ARVCF: variants seen among roughly 807,000 people sequenced by gnomAD.
ARVCF encodes splicing regulator ARVCF.
A neutral mutation model predicts 90.9 loss-of-function variants in ARVCF; 66 were observed. The ratio of observed to expected loss-of-function variants is 0.73; its 90% confidence interval spans 0.60 to 0.89. The LOEUF (loss-of-function observed/expected upper bound fraction) is 0.89. ARVCF is among the 40% of genes least tolerant of loss of function. The pLI is 0.00. For synonymous variants in ARVCF, 653 were observed against 603.4 expected (o/e 1.08, Z -1.21); for missense variants, 1,469 against 1,382.3 (o/e 1.06, Z -1.00).
Position 19,975,671 on chromosome 22 carries a change from T to C in ARVCF, c.1960+15A>G. ...ACATCCCCCAGTGGAGCTGGCTTCATCTCAGCCCACTCACCTTTGGCGGCC... is the reference window on the plus strand; with the variant it reads ...ACATCCCCCAGTGGAGCTGGCTTCACCTCAGCCCACTCACCTTTGGCGGCC... On this transcript the variant is annotated intron_variant, in intron 11 of 19. Transcript: ENST00000263207. 1.2e-6 allele frequency: 2 copies of C among 1,613,386 alleles called. No individual in the cohort carries two copies. Among genetic ancestry groups the C allele is most frequent in the Non-Finnish European group, 1.7e-6 (2 of 1,179,856 alleles).
chr22:20,006,352 C>A (rs1314593351), intron 2 of ARVCF, among the ~76,000 whole-genome samples: 2 of 151,346 alleles, frequency 1.3e-5, no homozygotes, highest in African/African-American at 4.9e-5. Context: ...CCAAGGCGGG[C>A]GGATCACGAG....
chr22:20,002,392 G>A (rs1944477323), intron 2 of ARVCF, among the ~76,000 whole-genome samples: 2 of 152,128 alleles, frequency 1.3e-5, no homozygotes, highest in East Asian at 3.9e-4. Context: ...GCCTCAACAC[G>A]CTGCTGCCTG....
chr22:19,981,106 T>C, intron 5 of ARVCF, 105 bp downstream of exon 5: 1 of 1,370,790 alleles, frequency 7.3e-7, no homozygotes, highest in Non-Finnish European at 9.7e-7. Flanking sequence ...CTAACATGCA[T>C]GACTAACTCA....
At position 19,979,007 on chromosome 22, in the gene ARVCF, G is replaced by A. The variant is rs777309966; in HGVS notation, c.1470C>T (p.Thr490=). The A allele has an allele frequency of 3.7e-6, 6 of 1,613,382 alleles. No homozygotes were observed. The Admixed American group carries it at 8.3e-5, about 22-fold the overall frequency. The change falls in exon 7 of 20, where the codon ACC becomes ACT. Residue 490 remains threonine, a synonymous_variant. Transcript: ENST00000263207. ...CTGAGTGGGGCACGATCACCTCGTGGGTCAGCGTCTGCAGGCCATGGTCAA... is the reference window on the plus strand; with the variant it reads ...CTGAGTGGGGCACGATCACCTCGTGAGTCAGCGTCTGCAGGCCATGGTCAA... The part of the protein sequence containing the change: ...VIIDHGLQTL[T]HEVIVPHSGW...
rs373808050 is a variant in ARVCF, at chr22:19,996,120, C to T, written c.-18-5308G>A. 2.7e-4 allele frequency among the ~76,000 whole-genome samples: 41 copies of T among 152,254 alleles called. No homozygotes were observed. The East Asian group carries it at 7.0e-3, about 26-fold the overall frequency. ...ACTCAAGCTGGGACAGGGCCAGAGC[C>T]GGGGGCCTGGGGTTCACAGGGCGGA... On this transcript the variant is annotated intron_variant, in intron 2 of 19. Transcript: ENST00000263207.
In ARVCF at chr22:19,986,731, T is replaced by A. The variant is rs1366012061; in HGVS notation, c.210+3854A>T. The A allele has an allele frequency of 3.3e-5, 9 of 273,292 alleles. No individual in the cohort carries two copies. The East Asian group carries it at 5.1e-4, about 16-fold the overall frequency. 16.9% of individuals were successfully genotyped at this position (273,292 alleles called of 1,614,324 possible). A position where few individuals can be genotyped will look rare whatever the true frequency, so the allele number is the denominator to read the frequency against. On this transcript the variant is annotated intron_variant, in intron 3 of 19. Transcript: ENST00000263207. ...GGAAGGCCCTGGCTCTCCACCCGTG[T>A]CCCCAGGCACCTGTCCTGGGCGCTG... is the stretch of plus-strand genomic sequence containing the variant.
chr22:19,982,120 G>A (rs890296559), intron 3 of ARVCF, 29 bp from the exon 4 acceptor site: 17 of 1,605,442 alleles, frequency 1.1e-5, no homozygotes, highest in Non-Finnish European at 1.4e-5. Context: ...TTGGTGGGCA[G>A]GCCTGCTGCT....
chr22:19,981,227 G>A lies in ARVCF; in HGVS notation c.880C>T (p.Arg294Trp), dbSNP rs1431106241. ...GCAGCTCACCTGGTATGAAGGCCCC[G>A]CCCACACTCAGGCCTCCTCCTTGTG... ...TATRRRPECGRGLHTRAYEDT... is the reference protein window; with the variant it reads ...TATRRRPECGWGLHTRAYEDT... Residue 294 changes from arginine (R) to tryptophan (W), a missense_variant, in exon 5 of 20, where the codon CGG (arginine) becomes TGG (tryptophan). Coordinates refer to ENST00000263207, the MANE Select transcript of ARVCF (RefSeq NM_001670.3). 6.5e-6 allele frequency: 10 copies of A among 1,547,198 alleles called. No homozygotes were observed. The highest frequency in any genetic ancestry group is 3.6e-5 in the South Asian group (3 of 83,776).
intron 3 of ARVCF, among the ~76,000 whole-genome samples, chr22:19,984,168 T>C (rs1339202113): frequency 6.6e-6 from 1 of 152,148 alleles, no homozygotes; most frequent in Non-Finnish European, 1.5e-5. Context: ...CCCTCATATA[T>C]GTATATATTT....
At chr22:19,995,583 T>C (rs1396800569) in intron 2 of ARVCF, among the ~76,000 whole-genome samples, 1 of 152,174 alleles carries the variant, frequency 6.6e-6, no homozygotes, top group Admixed American at 6.5e-5. Context: ...TTTGACGACA[T>C]CTTGCCAACC....
At chr22:20,014,439 C>G (rs1944950140) in intron 1 of ARVCF, among the ~76,000 whole-genome samples, 1 of 152,248 alleles carries the variant, frequency 6.6e-6, no homozygotes, top group Non-Finnish European at 1.5e-5. Context: ...AGGTGATCCA[C>G]CTGCCTTGGC....
At chr22:19,971,461 G>T in intron 18 of ARVCF, 126 bp from the exon 19 acceptor site, 1 of 1,196,150 alleles carries the variant, frequency 8.4e-7, no homozygotes, top group Non-Finnish European at 1.1e-6. Flanking sequence ...AGCACAGGTA[G>T]CACCAAGGGC....
rs1213025391 is a variant in ARVCF at position 19,982,048 on chromosome 22, T to C, written c.254A>G (p.Glu85Gly). ...GSQASLATMPEAPDVLEETVT... is the reference protein window; with the variant it reads ...GSQASLATMPGAPDVLEETVT... ...GGTCTCCTCCAGCACATCAGGTGCC[T>C]CCGGCATCGTGGCCAGTGAGGCCTG... The change falls in exon 4 of 20, where the codon GAG (glutamate) becomes GGG (glycine). Residue 85 changes from glutamate to glycine, a missense_variant. Coordinates refer to ENST00000263207, the MANE Select transcript of ARVCF (RefSeq NM_001670.3). The C allele has an allele frequency of 6.2e-7, 1 of 1,612,662 alleles. No homozygotes were observed. Among genetic ancestry groups the C allele is most frequent in the East Asian group, 2.2e-5 (1 of 44,872 alleles).
At chr22:19,971,065 C>T (rs1000193986) in intron 19 of ARVCF, among the ~76,000 whole-genome samples, 151 bp downstream of exon 19, 2 of 152,160 alleles carry the variant, frequency 1.3e-5, no homozygotes, top group African/African-American at 4.8e-5. Context: ...CTGGTCTTTC[C>T]GGGAATGGGC....
intron 3 of ARVCF, among the ~76,000 whole-genome samples, chr22:19,983,037 C>T (rs978598176): frequency 1.3e-5 from 2 of 152,230 alleles, no homozygotes; most frequent in Admixed American, 6.5e-5. Flanking sequence ...CAACCCCTGC[C>T]GCGCTGAGTG....
chr22:19,980,102 A>C lies in ARVCF; in HGVS notation c.1037T>G (p.Val346Gly). ...LDRLVRRSPSVDSARKEPRWR... is the reference protein window; with the variant it reads ...LDRLVRRSPSGDSARKEPRWR... The stretch of plus-strand genomic sequence containing the variant: ...GCGCGGCTCCTTGCGGGCGCTATCC[A>C]CTGAGGGCGAGCGCCGCACCAGCCG... Residue 346 changes from valine to glycine, a missense_variant, in exon 6 of 20, where the codon GTG becomes GGG. Physicochemically the swap from Val to Gly is moderately radical, Grantham distance 109 (BLOSUM62 -3). Transcript: ENST00000263207. The C allele has an allele frequency of 4.4e-6, 7 of 1,586,244 alleles. No individual in the cohort carries two copies. Among genetic ancestry groups the C allele is most frequent in the South Asian group, 1.1e-5 (1 of 89,298 alleles).
chr22:20,011,793 T>A (rs1015893485), intron 1 of ARVCF, among the ~76,000 whole-genome samples: 5 of 152,140 alleles, frequency 3.3e-5, no homozygotes, highest in African/African-American at 1.2e-4. Flanking sequence ...AGTGTGACAT[T>A]TCTAGGAAAC....
chr22:20,011,716 G>A (rs1460536555), intron 1 of ARVCF, among the ~76,000 whole-genome samples: 2 of 152,198 alleles, frequency 1.3e-5, no homozygotes, highest in Admixed American at 6.5e-5. Flanking sequence ...CCAGCACTGC[G>A]CCCCGAGGAA....
In ARVCF at chr22:19,978,989, G is replaced by T; in HGVS notation, c.1488C>A (p.Pro496=). ...TGGGCTCACGCTCCCATCCTGAGTG[G>T]GGCACGATCACCTCGTGGGTCAGCG... ...LQTLTHEVIV[P]HSGWEREPNE... Residue 496 remains proline (P), a synonymous_variant, in exon 7 of 20, where the codon CCC becomes CCA. Coordinates refer to ENST00000263207, the MANE Select transcript of ARVCF (RefSeq NM_001670.3). The T allele has an allele frequency of 6.2e-7, 1 of 1,613,392 alleles. No individual in the cohort carries two copies. The highest frequency in any genetic ancestry group is 1.7e-4 in the Middle Eastern group (1 of 6,058).
Sources: allele counts gnomAD v4.1 joint callset (sites outside exome capture counted in the v4.1 genomes callset), GRCh38; gene constraint gnomAD v4.1.1; transcripts MANE v1.5; gene names NCBI Gene and HGNC (gene_info 2026-07-23, HGNC 2026-07-21).